DMD: variants seen among roughly 807,000 people sequenced by gnomAD.
DMD encodes mutant dystrophin.
DMD carries 63 observed loss-of-function variants against 330.1 expected under a neutral mutation model. The observed-to-expected ratio is 0.19, with a 90% confidence interval of 0.16 to 0.24. DMD has a LOEUF of 0.24. Among genes scored for constraint, DMD ranks in the 10% least tolerant of loss-of-function variants. The pLI is 1.00. For synonymous variants in DMD, 1,223 were observed against 959.8 expected (o/e 1.27, Z -5.07); for missense variants, 3,344 against 2,684.1 (o/e 1.25, Z -5.43).
At position 31,476,342 on chromosome X, in the gene DMD, CTATGTATA is replaced by C. The variant is rs202026734; in HGVS notation, c.8937+1756_8937+1763del. On this transcript the variant is annotated intron_variant, in intron 59 of 78. Transcript: ENST00000357033. ...TCTATGTGTATATATATGTGTATAT[CTATGTATA>C]TATGTATATATACTATGTATATATC... 2.2e-3 allele frequency among the ~76,000 whole-genome samples: 221 copies of C among 98,712 alleles called. 10 individuals carry two copies. In the East Asian group the frequency reaches 0.045, roughly 20 times the overall value. 85.7% of individuals were successfully genotyped at this position (98,712 alleles called of 115,157 possible). A position where few individuals can be genotyped will look rare whatever the true frequency, so the allele number is the denominator to read the frequency against.
chrX:32,354,128 G>A (rs1415361334), intron 37 of DMD, among the ~76,000 whole-genome samples: 2 of 111,204 alleles, frequency 1.8e-5, no homozygotes, highest in Non-Finnish European at 3.8e-5. Context: ...GCATAATAAC[G>A]ACTGTGTTTA....
At chrX:31,475,002 A>C (rs974623413) in intron 59 of DMD, among the ~76,000 whole-genome samples, 3 of 111,221 alleles carry the variant, frequency 2.7e-5, no homozygotes, top group African/African-American at 9.8e-5. Context: ...ATTAAAGAAG[A>C]GCTACCGAAG....
At chrX:31,203,030 C>T (rs930882806) in intron 67 of DMD, among the ~76,000 whole-genome samples, 6 of 111,132 alleles carry the variant, frequency 5.4e-5, no homozygotes, top group Non-Finnish European at 9.4e-5. Context: ...GCCTGTAATC[C>T]GAGCACTTTG....
chrX:32,807,135 A>C (rs1224535153), intron 7 of DMD, among the ~76,000 whole-genome samples: 7 of 104,158 alleles, frequency 6.7e-5, no homozygotes, highest in African/African-American at 2.1e-4. Context: ...AAAAAAAAAA[A>C]AAAAAAAAAA....
chrX:31,624,567 T>C (rs1385223066), intron 55 of DMD, among the ~76,000 whole-genome samples: 1 of 112,160 alleles, frequency 8.9e-6, no homozygotes, highest in Non-Finnish European at 1.9e-5. Flanking sequence ...GAAAAACACA[T>C]TTTGTGAAGG....
At chrX:32,114,997 G>A (rs1445366250) in intron 44 of DMD, among the ~76,000 whole-genome samples, 1 of 111,953 alleles carries the variant, frequency 8.9e-6, no homozygotes, top group African/African-American at 3.2e-5. Context: ...TTGTCTAATT[G>A]TATTTTCAAC....
intron 55 of DMD, among the ~76,000 whole-genome samples, chrX:31,562,577 T>C (rs189003829): frequency 8.9e-6 from 1 of 112,525 alleles, no homozygotes; most frequent in Non-Finnish European, 1.9e-5. Flanking sequence ...TTTCCAGCTA[T>C]CTGGATATCC....
chrX:31,369,552 C>T (rs1423125723), intron 60 of DMD, among the ~76,000 whole-genome samples: 2 of 111,361 alleles, frequency 1.8e-5, no homozygotes, highest in African/African-American at 3.3e-5. Flanking sequence ...TTGGGTGAAG[C>T]GTAGCGTTCA....
intron 30 of DMD, among the ~76,000 whole-genome samples, chrX:32,403,087 T>C (rs1468211514): frequency 9.0e-6 from 1 of 111,474 alleles, no homozygotes. Context: ...AGAATGGGAA[T>C]AGACGGGGAA....
chrX:32,946,256 T>TATTGTTATTA (rs2090798483), intron 2 of DMD, among the ~76,000 whole-genome samples: 1 of 111,663 alleles, frequency 9.0e-6, no homozygotes, highest in African/African-American at 3.3e-5. Flanking sequence ...TTCCAGAAGT[T>TATTGTTATTA]TTCATGTGTA....
intron 48 of DMD, among the ~76,000 whole-genome samples, chrX:31,855,126 G>A (rs1387829478): frequency 9.0e-6 from 1 of 111,727 alleles, no homozygotes; most frequent in Non-Finnish European, 1.9e-5. Context: ...TGTATGTAAT[G>A]TCATCTGTTC....
chrX:32,983,897 A>C (rs2147246359), intron 2 of DMD, among the ~76,000 whole-genome samples: 1 of 111,471 alleles, frequency 9.0e-6, no homozygotes, highest in East Asian at 2.8e-4. Flanking sequence ...AACTTTCAGC[A>C]ATCTTATTTT....
chrX:33,114,921 C>A (rs2097118221), intron 1 of DMD, among the ~76,000 whole-genome samples: 1 of 111,307 alleles, frequency 9.0e-6, no homozygotes, highest in Non-Finnish European at 1.9e-5. Context: ...CAGCCCAAAT[C>A]ATAAAGTTCT....
rs191831991 is a variant in DMD, at chrX:33,096,726, G to A, written c.32-76526C>T. On this transcript the variant is annotated intron_variant, in intron 1 of 78. Transcript: ENST00000357033. ...TCACCATGTGGGCCAGGCTGGTCTC[G>A]AACTCCTGGCCTCAAGCGATTTACT... Among the ~76,000 whole-genome samples the A allele has an allele frequency of 4.2e-3, 472 of 111,166 alleles. 2 individuals carry two copies. Among genetic ancestry groups the A allele is most frequent in the Admixed American group, 0.01 (109 of 10,439 alleles).
chrX:32,166,846 G>C (rs1172063140), intron 44 of DMD, among the ~76,000 whole-genome samples: 2 of 112,125 alleles, frequency 1.8e-5, no homozygotes, highest in East Asian at 2.8e-4. Flanking sequence ...TGCTCCTGCT[G>C]CTTCTGTGAT....
chrX:32,394,926 A>AAC (rs1287598004), intron 30 of DMD, among the ~76,000 whole-genome samples: 1 of 101,392 alleles, frequency 9.9e-6, no homozygotes, highest in African/African-American at 3.5e-5. Context: ...CAAAAAAAAA[A>AAC]AAAAAAAGAA....
At chrX:32,955,173 TC>T (rs1194753697) in intron 2 of DMD, among the ~76,000 whole-genome samples, 1 of 112,129 alleles carries the variant, frequency 8.9e-6, no homozygotes, top group Non-Finnish European at 1.9e-5. Context: ...GTATACGTGC[TC>T]CTTTTTCCCC....
At chrX:32,617,360 C>T in intron 11 of DMD, among the ~76,000 whole-genome samples, 1 of 111,415 alleles carries the variant, frequency 9.0e-6, no homozygotes. Flanking sequence ...ATTGTATTAG[C>T]ATAAAAACTG....
At chrX:31,125,425 A>G (rs753724880) in intron 78 of DMD, among the ~76,000 whole-genome samples, 1 of 111,896 alleles carries the variant, frequency 8.9e-6, no homozygotes, top group Admixed American at 9.5e-5. Context: ...TGATGTTGGC[A>G]GAGTTTTCAT....
Sources: gnomAD v4.1 joint callset for allele counts (sites outside exome capture counted in the v4.1 genomes callset) on GRCh38, gnomAD v4.1.1 for gene constraint, MANE v1.5 for transcripts, NCBI Gene and HGNC (gene_info 2026-07-23, HGNC 2026-07-21) for gene names.